The following PLAC1 variants were observed in gnomAD, a reference collection of about 807,000 sequenced individuals.
The protein encoded by PLAC1 is placenta-specific protein 1.
For synonymous variants in PLAC1, 68 were observed against 62.1 expected (o/e 1.09, Z -0.44); for missense variants, 136 against 163.2 (o/e 0.83, Z 0.91).
In PLAC1 at chrX:134,567,459, G is replaced by A. The variant is rs189508621; in HGVS notation, c.-58-719C>T. On this transcript the variant is annotated intron_variant, in intron 2 of 2. Transcript: ENST00000359237. Reference sequence around the variant, plus strand: ...ATGCATATTACACATGAAAACTACCGTAAAAGTCTTATATTAAAGAAAGGG... The same window carrying A: ...ATGCATATTACACATGAAAACTACCATAAAAGTCTTATATTAAAGAAAGGG... Among the ~76,000 whole-genome samples, 9 of 111,387 alleles carry A rather than the reference G, an allele frequency of 8.1e-5. No individual in the cohort carries two copies. In the East Asian group the frequency reaches 1.1e-3, roughly 14 times the overall value.
At chrX:134,598,710 G>A (rs953621079) in intron 2 of PLAC1, among the ~76,000 whole-genome samples, 3 of 111,423 alleles carry the variant, frequency 2.7e-5, no homozygotes, top group Non-Finnish European at 3.8e-5. Flanking sequence ...AGGACCTGGC[G>A]GTAGTTTTTG....
intron 2 of PLAC1, among the ~76,000 whole-genome samples, chrX:134,700,833 G>A (rs930740645): frequency 2.7e-5 from 3 of 112,090 alleles, no homozygotes; most frequent in Non-Finnish European, 5.6e-5. Flanking sequence ...AGGATTGGAA[G>A]AATCAATATC....
chrX:134,617,176 G>A (rs183648253), intron 1 of PLAC1, among the ~76,000 whole-genome samples: 1 of 110,389 alleles, frequency 9.1e-6, no homozygotes, highest in Non-Finnish European at 1.9e-5. Context: ...TTTAGTACAG[G>A]CAGGGTTTCG....
At chrX:134,737,606 T>C (rs1431852100) in intron 1 of PLAC1, among the ~76,000 whole-genome samples, 1 of 112,583 alleles carries the variant, frequency 8.9e-6, no homozygotes, top group Non-Finnish European at 1.9e-5. Context: ...GAAGTGTGTG[T>C]GTGCTAATGC....
In PLAC1 at chrX:134,611,555, G is replaced by GTA. The variant is rs746051779; in HGVS notation, c.-130-9435_-130-9434dup. Reference sequence around the variant, plus strand: ...TATGTATATATGCATATACACATATGTATATATATGCATATATACATATGT... The same window carrying GTA: ...TATGTATATATGCATATACACATATGTATATATATATGCATATATACATATGT... On this transcript the variant is annotated intron_variant, in intron 1 of 2. Coordinates refer to ENST00000359237, the MANE Select transcript of PLAC1 (RefSeq NM_021796.4). Among the ~76,000 whole-genome samples, 449 of 105,465 alleles carry GTA rather than the reference G, an allele frequency of 4.3e-3. 4 individuals are homozygous for GTA. Among genetic ancestry groups the GTA allele is most frequent in the African/African-American group, 0.015 (425 of 28,941 alleles). The allele number at this position is 105,465 out of a possible 115,157, so 91.6% of individuals were successfully genotyped here.
At chrX:134,709,749 T>C (rs1242238031) in intron 2 of PLAC1, among the ~76,000 whole-genome samples, 2 of 111,994 alleles carry the variant, frequency 1.8e-5, no homozygotes, top group Non-Finnish European at 3.8e-5. Context: ...GAGGATAAGA[T>C]ATAGATTATT....
intron 2 of PLAC1, among the ~76,000 whole-genome samples, chrX:134,719,921 T>C (rs892115346): frequency 9.0e-6 from 1 of 111,712 alleles, no homozygotes; most frequent in African/African-American, 3.2e-5. Context: ...CTGTAAGATT[T>C]CCCCCTAAGA....
intron 1 of PLAC1, among the ~76,000 whole-genome samples, chrX:134,737,583 G>C (rs753336466): frequency 4.0e-4 from 45 of 112,717 alleles, no homozygotes; most frequent in Non-Finnish European, 6.7e-4. Context: ...ACAGGGGCCA[G>C]GGAAGAGGCC....
chrX:134,574,107 C>T (rs1193366572), intron 2 of PLAC1, among the ~76,000 whole-genome samples: 1 of 110,221 alleles, frequency 9.1e-6, no homozygotes, highest in Admixed American at 9.8e-5. Flanking sequence ...CACACACACA[C>T]ACACACACAG....
At chrX:134,590,039 C>G (rs895057264) in intron 2 of PLAC1, among the ~76,000 whole-genome samples, 2 of 101,461 alleles carry the variant, frequency 2.0e-5, no homozygotes, top group African/African-American at 7.3e-5. Context: ...ACTAAAAATA[C>G]AAAAAATTAG....
intron 1 of PLAC1, among the ~76,000 whole-genome samples, chrX:134,649,375 G>A (rs1368222755): frequency 1.8e-5 from 2 of 110,078 alleles, no homozygotes; most frequent in African/African-American, 6.6e-5. Context: ...TACATCTATT[G>A]TATCTGTATG....
intron 1 of PLAC1, among the ~76,000 whole-genome samples, chrX:134,638,883 C>A (rs1461879027): frequency 9.0e-6 from 1 of 111,408 alleles, no homozygotes; most frequent in African/African-American, 3.3e-5. Flanking sequence ...TTTCACCACC[C>A]AGGTAATAAG....
intron 2 of PLAC1, among the ~76,000 whole-genome samples, chrX:134,677,514 G>A (rs1477299283): frequency 5.4e-5 from 6 of 111,366 alleles, no homozygotes; most frequent in Admixed American, 1.9e-4. Flanking sequence ...GGTGACAGCC[G>A]CTGGAAAAAA....
At chrX:134,595,609 T>TAA (rs2078058528) in intron 2 of PLAC1, among the ~76,000 whole-genome samples, 1 of 94,511 alleles carries the variant, frequency 1.1e-5, no homozygotes, top group African/African-American at 4.3e-5. Flanking sequence ...AATATATATA[T>TAA]AATGTGTGTA....
intron 1 of PLAC1, among the ~76,000 whole-genome samples, chrX:134,636,121 C>T (rs1366347439): frequency 9.1e-6 from 1 of 110,285 alleles, no homozygotes; most frequent in East Asian, 2.8e-4. Context: ...GTTCCTACCC[C>T]AAATCCCAGG....
At chrX:134,617,250 A>G (rs1020526998) in intron 1 of PLAC1, among the ~76,000 whole-genome samples, 1 of 111,451 alleles carries the variant, frequency 9.0e-6, no homozygotes, top group Non-Finnish European at 1.9e-5. Flanking sequence ...CGGCCTCCCA[A>G]AGTGCTGGGA....
chrX:134,640,924 C>T (rs962914168), intron 1 of PLAC1, among the ~76,000 whole-genome samples: 1 of 111,529 alleles, frequency 9.0e-6, no homozygotes, highest in Admixed American at 9.5e-5. Context: ...CCAGCTTGGG[C>T]AACGTAGTGA....
chrX:134,621,798 C>A (rs2078212521), intron 1 of PLAC1, among the ~76,000 whole-genome samples: 1 of 111,898 alleles, frequency 8.9e-6, no homozygotes, highest in Non-Finnish European at 1.9e-5. Flanking sequence ...TGGATTACTG[C>A]TTTAAGCTGG....
At chrX:134,733,183 G>T (rs1457068352) in intron 2 of PLAC1, among the ~76,000 whole-genome samples, 1 of 110,672 alleles carries the variant, frequency 9.0e-6, no homozygotes, top group African/African-American at 3.3e-5. Flanking sequence ...ACCATCCCTT[G>T]AAGGAGGCAG....
Sources: gnomAD v4.1 joint callset for allele counts (sites outside exome capture counted in the v4.1 genomes callset) on GRCh38, gnomAD v4.1.1 for gene constraint, MANE v1.5 for transcripts, NCBI Gene and HGNC (gene_info 2026-07-23, HGNC 2026-07-21) for gene names.